The following CHRD variants were observed in gnomAD, a reference collection of about 807,000 sequenced individuals.
CHRD encodes the protein chordin.
In CHRD, 69 loss-of-function variants were observed where a neutral mutation model predicts 113.7. That is an observed-to-expected ratio of 0.61 (90% CI 0.50 to 0.74). CHRD has a LOEUF of 0.74. CHRD is among the 30% of genes least tolerant of loss of function. CHRD has a pLI of 0.00. For missense variants in CHRD, 1,194 were observed against 1,295.8 expected, an observed-to-expected ratio of 0.92 and a Z score of 1.21; for synonymous variants, 561 against 540.8, an observed-to-expected ratio of 1.04 and a Z score of -0.52.
At position 184,380,852 on chromosome 3, in the gene CHRD, CG is replaced by C. The variant is rs1715240227; in HGVS notation, c.252+60del. On this transcript the variant is annotated intron_variant, in intron 2 of 22. Transcript: ENST00000204604. This position sits in a 1 kb window ranked among gnomAD's most constrained non-coding sequence, Gnocchi z 6.3. ...GGCGGGTGGGGAGCGCCGGGTCGCG[CG>C]GGCGTCGGAGTGGACTCGGAGCTGC... is the stretch of plus-strand genomic sequence containing the variant. 2 of 1,368,824 alleles carry C rather than the reference CG, an allele frequency of 1.5e-6. No individual in the cohort carries two copies. The highest frequency in any genetic ancestry group is 2.0e-6 in the Non-Finnish European group (2 of 1,015,082). 84.8% of individuals were successfully genotyped at this position (1,368,824 alleles called of 1,614,324 possible). A position where few individuals can be genotyped will look rare whatever the true frequency, so the allele number is the denominator to read the frequency against.
At position 184,388,663 on chromosome 3, in the gene CHRD, G is replaced by T. The variant is rs1716759934; in HGVS notation, c.2631G>T (p.Gln877His). Residue 877 changes from glutamine to histidine, a missense_variant, in exon 21 of 23, where the codon CAG becomes CAT. Gln to His is a conservative substitution (Grantham distance 24). Transcript: ENST00000204604. The surrounding 1 kb of genome is among the most constrained non-coding windows in gnomAD (Gnocchi z 6.1). ...CCCGGGGCTGCCGTTTTGCTGGGCA[G>T]TGGTTCCCAGAGAGTCAGAGCTGGC... is the stretch of plus-strand genomic sequence containing the variant. The T allele has an allele frequency of 1.9e-6, 3 of 1,613,946 alleles. No homozygotes were observed. In the Middle Eastern group the frequency reaches 4.9e-4, roughly 266 times the overall value.
At position 184,381,732 on chromosome 3, in the gene CHRD, G is replaced by A. The variant is rs748261713; in HGVS notation, c.528G>A (p.Leu176=). Residue 176 remains leucine (L), a synonymous_variant, in exon 5 of 23, where the codon CTG becomes CTA. Transcript: ENST00000204604. This position sits in a 1 kb window ranked among gnomAD's most constrained non-coding sequence, Gnocchi z 4.7. ...CCGTCCCAGACTTCGTGGCGCTGCT[G>A]ACAGGGCCGAGGTCGCAGGCGGTGG... 6.2e-7 allele frequency: 1 copy of A among 1,613,160 alleles called. No homozygotes were observed. The highest frequency in any genetic ancestry group is 1.1e-5 in the South Asian group (1 of 91,054).
chr3:184,385,622 C>T (rs9831124), intron 14 of CHRD, among the ~76,000 whole-genome samples: 72,151 of 141,138 alleles, frequency 0.51, 18,907 homozygotes, highest in Middle Eastern at 0.7. Context: ...GCCGAGATGG[C>T]GCCATTGCAC....
Position 184,388,896 on chromosome 3 carries a change from G to A in CHRD, c.2713G>A (p.Gly905Arg), listed in dbSNP as rs773313783. 3.1e-6 allele frequency: 5 copies of A among 1,612,830 alleles called. No homozygotes were observed. The highest frequency in any genetic ancestry group is 8.5e-7 in the Non-Finnish European group (1 of 1,179,510). ...TGTCTGCTCTGTCTTGTACCAGGCA[G>A]GGGTGCCTCACTGTGAGCGGGATGA... The change falls in exon 22 of 23, where the codon GGG becomes AGG. Residue 905 changes from glycine to arginine, a missense_variant. Gly to Arg is a moderately radical substitution (Grantham distance 125). Coordinates refer to ENST00000204604, the Ensembl canonical transcript of CHRD. This position sits in a 1 kb window ranked among gnomAD's most constrained non-coding sequence, Gnocchi z 6.1.
rs1409635263 is a variant in CHRD, at chr3:184,380,729, G to C, written c.186G>C (p.Glu62Asp). 4.4e-6 allele frequency: 7 copies of C among 1,599,580 alleles called. No homozygotes were observed. Among genetic ancestry groups the C allele is most frequent in the Non-Finnish European group, 5.9e-6 (7 of 1,176,872 alleles). Residue 62 changes from glutamate (E) to aspartate (D), a missense_variant, in exon 2 of 23, where the codon GAG becomes GAC. Transcript: ENST00000204604. The surrounding 1 kb of genome is among the most constrained non-coding windows in gnomAD (Gnocchi z 6.3). ...GCGGGAAGGTCTATGCCTTGGACGA[G>C]ACGTGGCACCCGGACCTAGGGGAGC...
Position 184,382,926 on chromosome 3 carries a change from T to A in CHRD, c.1053T>A (p.Asn351Lys), listed in dbSNP as rs757202426. 7 of 1,613,908 alleles carry A rather than the reference T, an allele frequency of 4.3e-6. No individual in the cohort carries two copies. In the South Asian group the frequency reaches 5.5e-5, roughly 13 times the overall value. The stretch of plus-strand genomic sequence containing the variant: ...AGCTACTGCGAGAACTTCAGGCCAA[T>A]GTCTCAGCCCAGGTGAGTGGGGATC... Residue 351 changes from asparagine (N) to lysine (K), a missense_variant, in exon 9 of 23, where the codon AAT becomes AAA. By Grantham distance (94) the Asn-to-Lys change is moderately conservative. Transcript: ENST00000204604.
At position 184,380,826 on chromosome 3, in the gene CHRD, T is replaced by A; in HGVS notation, c.252+31T>A. On this transcript the variant is annotated intron_variant, in intron 2 of 22. Coordinates refer to ENST00000204604, the Ensembl canonical transcript of CHRD. This position sits in a 1 kb window ranked among gnomAD's most constrained non-coding sequence, Gnocchi z 6.3. Reference sequence around the variant, plus strand: ...TGCACCCCGCGGCCGGCCCGGGCCCTGGCGGGTGGGGAGCGCCGGGTCGCG... The same window carrying A: ...TGCACCCCGCGGCCGGCCCGGGCCCAGGCGGGTGGGGAGCGCCGGGTCGCG... 6.6e-7 allele frequency: 1 copy of A among 1,516,858 alleles called. No individual in the cohort carries two copies. The highest frequency in any genetic ancestry group is 8.8e-7 in the Non-Finnish European group (1 of 1,132,576). 94.0% of individuals were successfully genotyped at this position (1,516,858 alleles called of 1,614,324 possible). A position where few individuals can be genotyped will look rare whatever the true frequency, so the allele number is the denominator to read the frequency against.
chr3:184,385,206 C>G, exon 14 of CHRD: 1 of 1,613,920 alleles, frequency 6.2e-7, no homozygotes, highest in Non-Finnish European at 8.5e-7. Context: ...GCCAGGGCCT[C>G]GGCGGCTGCT....
In CHRD at chr3:184,387,265, G is replaced by A; in HGVS notation, c.2348-109G>A. On this transcript the variant is annotated intron_variant, in intron 18 of 22. Coordinates refer to ENST00000204604, the Ensembl canonical transcript of CHRD. The surrounding 1 kb of genome is among the most constrained non-coding windows in gnomAD (Gnocchi z 6.1). ...ACTCATTAGTGTTACTGGCCCCCAG[G>A]TGGGCCCTTGGCTTAGGCTCGTGTG... The A allele has an allele frequency of 7.3e-7, 1 of 1,368,924 alleles. No individual in the cohort carries two copies. The highest frequency in any genetic ancestry group is 1.0e-6 in the Non-Finnish European group (1 of 988,706). The allele number at this position is 1,368,924 out of a possible 1,614,324, so 84.8% of individuals were successfully genotyped here. A position where few individuals can be genotyped will look rare whatever the true frequency, so the allele number is the denominator to read the frequency against.
In CHRD at chr3:184,380,282, T is replaced by C; in HGVS notation, c.-37T>C. On this transcript the variant is annotated 5_prime_UTR_variant, in exon 1 of 23. Coordinates refer to ENST00000204604, the Ensembl canonical transcript of CHRD. The surrounding 1 kb of genome is among the most constrained non-coding windows in gnomAD (Gnocchi z 6.3). ...CCTCCCTCCGCCCGCTCCCGCGCCC[T>C]CCTCCCTCCCTCCTCCCCAGCTGTC... 2 of 720,306 alleles carry C rather than the reference T, an allele frequency of 2.8e-6. No individual in the cohort carries two copies. Among genetic ancestry groups the C allele is most frequent in the Non-Finnish European group, 3.5e-6 (2 of 578,958 alleles). 44.6% of individuals were successfully genotyped at this position (720,306 alleles called of 1,614,324 possible).
chr3:184,381,011 C>G lies in CHRD; in HGVS notation c.252+216C>G, dbSNP rs1204190470. On this transcript the variant is annotated intron_variant, in intron 2 of 22. Coordinates refer to ENST00000204604, the Ensembl canonical transcript of CHRD. This position sits in a 1 kb window ranked among gnomAD's most constrained non-coding sequence, Gnocchi z 4.7. Reference sequence around the variant, plus strand: ...GGCTCTGTGCCAACTCCGTTTCGTTCCCTGCTCATCTAACTCTCATGGCAG... The same window carrying G: ...GGCTCTGTGCCAACTCCGTTTCGTTGCCTGCTCATCTAACTCTCATGGCAG... 1.2e-5 allele frequency: 9 copies of G among 737,618 alleles called. No individual in the cohort carries two copies. Among genetic ancestry groups the G allele is most frequent in the Non-Finnish European group, 1.2e-5 (5 of 417,454 alleles). 45.7% of individuals were successfully genotyped at this position (737,618 alleles called of 1,614,324 possible).
Position 184,387,169 on chromosome 3 carries a change from AG to A in CHRD, c.2347+67del. ...AGAGGAGCCATTAGGTTGAACCAGG[AG>A]GGGGACAAGAAGGGGAGAGTATATA... is the stretch of plus-strand genomic sequence containing the variant. On this transcript the variant is annotated intron_variant, in intron 18 of 22. Transcript: ENST00000204604. This position sits in a 1 kb window ranked among gnomAD's most constrained non-coding sequence, Gnocchi z 6.1. 1 of 1,506,300 alleles carries A rather than the reference AG, an allele frequency of 6.6e-7. No homozygotes were observed. The highest frequency in any genetic ancestry group is 1.1e-5 in the South Asian group (1 of 88,716). The allele number at this position is 1,506,300 out of a possible 1,614,324, so 93.3% of individuals were successfully genotyped here.
At position 184,387,135 on chromosome 3, in the gene CHRD, G is replaced by A; in HGVS notation, c.2347+28G>A. 6.2e-7 allele frequency: 1 copy of A among 1,606,580 alleles called. No homozygotes were observed. The highest frequency in any genetic ancestry group is 8.5e-7 in the Non-Finnish European group (1 of 1,173,168). On this transcript the variant is annotated intron_variant, in intron 18 of 22. Coordinates refer to ENST00000204604, the Ensembl canonical transcript of CHRD. The surrounding 1 kb of genome is among the most constrained non-coding windows in gnomAD (Gnocchi z 6.1). The stretch of plus-strand genomic sequence containing the variant: ...GAGCTGGAAGGGTGCGTGCAGGGTG[G>A]GAGGCCCCAGAGGAGCCATTAGGTT...
intron 6 of CHRD, 79 bp downstream of exon 6, chr3:184,382,099 C>T (rs776765690): frequency 1.0e-4 from 159 of 1,566,652 alleles, no homozygotes; most frequent in Non-Finnish European, 1.3e-4. Context: ...CTCCCGTGGT[C>T]CTCACCACAG....
chr3:184,381,739 C>CG lies in CHRD; in HGVS notation c.535_536insG (p.Pro179ArgfsTer17). 1 of 1,613,170 alleles carries CG rather than the reference C, an allele frequency of 6.2e-7. No homozygotes were observed. ...AGACTTCGTGGCGCTGCTGACAGGG[C>CG]CGAGGTCGCAGGCGGTGGCACGAGC... On this transcript the variant is annotated frameshift_variant, in exon 5 of 23. Transcript: ENST00000204604. LOFTEE classifies it high-confidence loss of function. The surrounding 1 kb of genome is among the most constrained non-coding windows in gnomAD (Gnocchi z 4.7).
In CHRD at chr3:184,382,949, A is replaced by T. The variant is rs1241585223; in HGVS notation, c.1065+11A>T. The T allele has an allele frequency of 6.2e-7, 1 of 1,613,832 alleles. No individual in the cohort carries two copies. The highest frequency in any genetic ancestry group is 8.5e-7 in the Non-Finnish European group (1 of 1,179,908). On this transcript the variant is annotated intron_variant, in intron 9 of 22. Coordinates refer to ENST00000204604, the Ensembl canonical transcript of CHRD. ...AATGTCTCAGCCCAGGTGAGTGGGG[A>T]TCTGGCTCTCGCTGCCACCTGTCTT...
Position 184,381,168 on chromosome 3 carries a change from T to A in CHRD, c.253-67T>A. The A allele has an allele frequency of 2.5e-6, 4 of 1,593,138 alleles. No individual in the cohort carries two copies. Among genetic ancestry groups the A allele is most frequent in the Non-Finnish European group, 3.4e-6 (4 of 1,164,650 alleles). On this transcript the variant is annotated intron_variant, in intron 2 of 22. Transcript: ENST00000204604. The surrounding 1 kb of genome is among the most constrained non-coding windows in gnomAD (Gnocchi z 4.7). ...GCTGGCTGACTCTGCGGGACATCCTTGCCTGGGGGGGTCTCATCAGTTGGC... is the reference window on the plus strand; with the variant it reads ...GCTGGCTGACTCTGCGGGACATCCTAGCCTGGGGGGGTCTCATCAGTTGGC...
exon 16 of CHRD, chr3:184,386,722 C>A: frequency 6.2e-7 from 1 of 1,612,606 alleles, no homozygotes; most frequent in Non-Finnish European, 8.5e-7. Context: ...GGGCGCCCAA[C>A]TACGACCCGC....
In CHRD at chr3:184,388,583, A is replaced by G; in HGVS notation, c.2555-4A>G. The G allele has an allele frequency of 6.2e-7, 1 of 1,608,272 alleles. No homozygotes were observed. The highest frequency in any genetic ancestry group is 1.1e-5 in the South Asian group (1 of 90,934). ...GCTGATCCTTTCTCTTTCCCTCTCAACAGTGGGGTCGGGGGCCCACCCCCA... is the reference window on the plus strand; with the variant it reads ...GCTGATCCTTTCTCTTTCCCTCTCAGCAGTGGGGTCGGGGGCCCACCCCCA... On this transcript the variant is annotated splice_region_variant and splice_polypyrimidine_tract_variant and intron_variant, in intron 20 of 22. Coordinates refer to ENST00000204604, the Ensembl canonical transcript of CHRD. This position sits in a 1 kb window ranked among gnomAD's most constrained non-coding sequence, Gnocchi z 6.1.
Sources: gnomAD v4.1 joint callset for allele counts (sites outside exome capture counted in the v4.1 genomes callset) on GRCh38, gnomAD v4.1.1 for gene constraint, Gnocchi (gnomAD v3.1) non-coding constraint, MANE v1.5 for transcripts, NCBI Gene and HGNC (gene_info 2026-07-23, HGNC 2026-07-21) for gene names.